The following STX8 variants were observed in gnomAD, a reference collection of about 807,000 sequenced individuals.
The protein encoded by STX8 is syntaxin 8.
Under a neutral mutation model 37.5 loss-of-function variants are expected in STX8, and 23 were observed. The ratio of observed to expected loss-of-function variants is 0.61; its 90% CI spans 0.44 to 0.87. The LOEUF is 0.87. Ranked by LOEUF, STX8 falls within the 40% of genes least tolerant of loss-of-function variation. STX8 has a pLI of 0.00. For missense variants in STX8, 313 were observed against 284.7 expected (o/e 1.10, Z -0.71); for synonymous variants, 115 against 99.1 (o/e 1.16, Z -0.95).
chr17:9,333,510 C>A (rs1910029344), intron 7 of STX8, among the ~76,000 whole-genome samples: 1 of 152,168 alleles, frequency 6.6e-6, no homozygotes, highest in African/African-American at 2.4e-5. Flanking sequence ...GCCTCAGCCT[C>A]CCGAGTAGCT....
chr17:9,574,933 C>G (rs569562043), intron 1 of STX8, among the ~76,000 whole-genome samples: 13 of 152,322 alleles, frequency 8.5e-5, no homozygotes, highest in Non-Finnish European at 4.4e-5. Context: ...ATCCATTCTT[C>G]TAATATCCAG....
At chr17:9,490,025 G>A (rs1384185211) in intron 6 of STX8, among the ~76,000 whole-genome samples, 1 of 152,108 alleles carries the variant, frequency 6.6e-6, no homozygotes, top group East Asian at 1.9e-4. Context: ...ATCACTTAAG[G>A]AAGGAACTGA....
chr17:9,337,393 T>C (rs1331937436), intron 7 of STX8, among the ~76,000 whole-genome samples: 1 of 152,220 alleles, frequency 6.6e-6, no homozygotes, highest in Non-Finnish European at 1.5e-5. Flanking sequence ...TTATTTCTTT[T>C]TTTGAGATCG....
chr17:9,491,649 T>C (rs1906854039), intron 6 of STX8, among the ~76,000 whole-genome samples, 180 bp downstream of exon 6: 1 of 152,222 alleles, frequency 6.6e-6, no homozygotes, highest in African/African-American at 2.4e-5. Flanking sequence ...TTTCTTTGCA[T>C]AGTATTTAAC....
At chr17:9,263,206 G>A (rs1023793779) in intron 7 of STX8, among the ~76,000 whole-genome samples, 8 of 150,814 alleles carry the variant, frequency 5.3e-5, no homozygotes, top group Admixed American at 2.0e-4. Flanking sequence ...GGTGCGTGCG[G>A]TGGCTCACAC....
At chr17:9,334,046 A>AG (rs1441934795) in intron 7 of STX8, among the ~76,000 whole-genome samples, 2 of 141,660 alleles carry the variant, frequency 1.4e-5, no homozygotes. Flanking sequence ...GTGGGAGGGG[A>AG]GGGGCAGTGA....
rs1263739674 is a variant in STX8 at position 9,556,794 on chromosome 17, TAC to T, written c.212+638_212+639del. The T allele has an allele frequency of 4.8e-3, 126 of 26,520 alleles. 2 individuals are homozygous for T. Among genetic ancestry groups the T allele is most frequent in the African/African-American group, 0.019 (107 of 5,702 alleles). 1.6% of individuals were successfully genotyped at this position (26,520 alleles called of 1,614,324 possible). A position where few individuals can be genotyped will look rare whatever the true frequency, so the allele number is the denominator to read the frequency against. On this transcript the variant is annotated intron_variant, in intron 3 of 7. Transcript: ENST00000306357. ...ATATATATATATATATATATATATA[TAC>T]ACATACATATATATATATATATATT...
Position 9,359,895 on chromosome 17 carries a change from T to G in STX8, c.643+18657A>C, listed in dbSNP as rs574455604. Among the ~76,000 whole-genome samples, 6 of 152,120 alleles carry G rather than the reference T, an allele frequency of 3.9e-5. No homozygotes were observed. In the South Asian group the frequency reaches 1.2e-3, roughly 32 times the overall value. On this transcript the variant is annotated intron_variant, in intron 7 of 7. Transcript: ENST00000306357. Reference sequence around the variant, plus strand: ...TTATTTCTCTTTGGTGGGTCCTGTTTCCAGGCAGATAAGGGAGCTTCAGAG... The same window carrying G: ...TTATTTCTCTTTGGTGGGTCCTGTTGCCAGGCAGATAAGGGAGCTTCAGAG...
chr17:9,390,674 A>C (rs1013650514), intron 6 of STX8, among the ~76,000 whole-genome samples: 6 of 148,086 alleles, frequency 4.1e-5, no homozygotes, highest in Middle Eastern at 3.5e-3. Context: ...AAAAATACAA[A>C]AAAAAAAAAA....
chr17:9,366,254 C>G (rs912558792), intron 7 of STX8, among the ~76,000 whole-genome samples: 2 of 152,170 alleles, frequency 1.3e-5, no homozygotes, highest in African/African-American at 2.4e-5. Context: ...TTTTTTGAAA[C>G]AGAGTCTCAC....
At chr17:9,299,931 T>G (rs1181878993) in intron 7 of STX8, among the ~76,000 whole-genome samples, 7 of 152,164 alleles carry the variant, frequency 4.6e-5, no homozygotes, top group Admixed American at 4.6e-4. Context: ...GTAGAGAGCT[T>G]TAAGTTGTTA....
chr17:9,575,487 C>A (rs775423603), intron 1 of STX8, among the ~76,000 whole-genome samples: 4 of 152,184 alleles, frequency 2.6e-5, no homozygotes, highest in Non-Finnish European at 5.9e-5. Flanking sequence ...CAGCTAGCTC[C>A]AAAACCAGGA....
At chr17:9,375,158 A>G (rs1403605769) in intron 7 of STX8, among the ~76,000 whole-genome samples, 1 of 151,962 alleles carries the variant, frequency 6.6e-6, no homozygotes, top group Non-Finnish European at 1.5e-5. Context: ...GAATCATTAC[A>G]TATAATTCTG....
chr17:9,491,727 A>G, intron 6 of STX8, 102 bp downstream of exon 6: 1 of 1,001,666 alleles, frequency 1.0e-6, no homozygotes, highest in South Asian at 1.6e-5. Context: ...TTGACATTAA[A>G]CCACTTTACA....
At chr17:9,422,777 C>A (rs1471026200) in intron 6 of STX8, among the ~76,000 whole-genome samples, 1 of 152,238 alleles carries the variant, frequency 6.6e-6, no homozygotes, top group Non-Finnish European at 1.5e-5. Flanking sequence ...CTATCTGGCC[C>A]TTTGGTGACA....
intron 4 of STX8, among the ~76,000 whole-genome samples, chr17:9,532,759 T>G (rs146268461): frequency 4.6e-5 from 7 of 152,112 alleles, no homozygotes; most frequent in Admixed American, 2.0e-4. Context: ...AAAAAATACC[T>G]CATCATATGA....
intron 3 of STX8, among the ~76,000 whole-genome samples, chr17:9,550,478 G>T (rs1314179569): frequency 6.6e-6 from 1 of 151,516 alleles, no homozygotes; most frequent in African/African-American, 2.4e-5. Context: ...GGAGGCTAAG[G>T]CAGGAGAATG....
intron 4 of STX8, among the ~76,000 whole-genome samples, chr17:9,534,556 C>T (rs867308019): frequency 1.1e-4 from 16 of 152,202 alleles, no homozygotes; most frequent in East Asian, 3.9e-4. Context: ...TTTGGGAGGC[C>T]GAGCTAGGCG....
intron 6 of STX8, among the ~76,000 whole-genome samples, chr17:9,433,048 A>G (rs1027720985): frequency 3.3e-5 from 5 of 152,230 alleles, no homozygotes; most frequent in African/African-American, 1.2e-4. Context: ...ATATGGATGC[A>G]GTCAGGGAAA....
Sources: gnomAD v4.1 joint callset for allele counts (sites outside exome capture counted in the v4.1 genomes callset) on GRCh38, gnomAD v4.1.1 for gene constraint, MANE v1.5 for transcripts, NCBI Gene and HGNC (gene_info 2026-07-23, HGNC 2026-07-21) for gene names.